The following SMAD9 variants were observed in gnomAD, a reference collection of about 807,000 sequenced individuals.
SMAD9 encodes SMAD family member 9.
A neutral mutation model predicts 46.1 loss-of-function variants in SMAD9; 36 were observed. The observed-to-expected ratio is 0.78, with a 90% CI of 0.60 to 1.03. The LOEUF is 1.03. Among genes scored for constraint, SMAD9 ranks in the 50% least tolerant of loss-of-function variants. The pLI is 0.00. For synonymous variants in SMAD9, 245 were observed against 237.1 expected (o/e 1.03, Z -0.31); for missense variants, 572 against 599.8 (o/e 0.95, Z 0.48).
In SMAD9 at chr13:36,879,780, G is replaced by A; in HGVS notation, c.-91C>T. The A allele has an allele frequency of 2.1e-6, 3 of 1,408,072 alleles. No homozygotes were observed. Among genetic ancestry groups the A allele is most frequent in the South Asian group, 1.2e-5 (1 of 85,702 alleles). 87.2% of individuals were successfully genotyped at this position (1,408,072 alleles called of 1,614,324 possible). A position where few individuals can be genotyped will look rare whatever the true frequency, so the allele number is the denominator to read the frequency against. On this transcript the variant is annotated 5_prime_UTR_variant, in exon 2 of 7. Coordinates refer to ENST00000379826, the MANE Select transcript of SMAD9 (RefSeq NM_001127217.3). ...GAGTAGCTCTCCAGGGGTGGCATAG[G>A]GACCAACCCGCCCGTTCTTCTGGGA...
intron 3 of SMAD9, among the ~76,000 whole-genome samples, chr13:36,869,560 C>A (rs905384997): frequency 2.0e-5 from 3 of 152,036 alleles, no homozygotes; most frequent in African/African-American, 7.2e-5. Flanking sequence ...GGGCTGGGTG[C>A]AGTGGAGCAT....
At chr13:36,863,094 T>C (rs946351978) in intron 5 of SMAD9, among the ~76,000 whole-genome samples, 1 of 152,200 alleles carries the variant, frequency 6.6e-6, no homozygotes, top group African/African-American at 2.4e-5. Context: ...ACTCATTTGC[T>C]AGCCGAGGAA....
At chr13:36,850,033 A>G (rs593714) in intron 6 of SMAD9, 9,855 of 152,238 alleles carry the variant, frequency 0.065, 638 homozygotes, top group African/African-American at 0.16. Flanking sequence ...CATACTAGCC[A>G]TCTCAATTTG....
intron 6 of SMAD9, chr13:36,852,100 T>A: frequency 1.0e-6 from 1 of 975,836 alleles, no homozygotes; most frequent in Non-Finnish European, 1.2e-6. Flanking sequence ...TAAATTTGAA[T>A]GAAACTGCTT....
chr13:36,879,234 C>G, intron 2 of SMAD9, 44 bp downstream of exon 2: 2 of 1,564,156 alleles, frequency 1.3e-6, no homozygotes, highest in Non-Finnish European at 1.8e-6. Context: ...GGGCACACGA[C>G]CTTCACTCTG....
At chr13:36,853,025 G>A (rs995977504) in intron 6 of SMAD9, among the ~76,000 whole-genome samples, 7 of 152,202 alleles carry the variant, frequency 4.6e-5, no homozygotes, top group Non-Finnish European at 7.3e-5. Context: ...GGTGGCTCAC[G>A]CCTGTAATCC....
At chr13:36,851,033 C>A (rs1413652146) in intron 6 of SMAD9, among the ~76,000 whole-genome samples, 1 of 152,172 alleles carries the variant, frequency 6.6e-6, no homozygotes, top group African/African-American at 2.4e-5. Context: ...TAAGTGGTTT[C>A]CCTACTTGCA....
intron 1 of SMAD9, among the ~76,000 whole-genome samples, chr13:36,916,224 G>C (rs1261637498): frequency 6.6e-6 from 1 of 152,116 alleles, no homozygotes; most frequent in African/African-American, 2.4e-5. Context: ...AGCATATCGT[G>C]TTAGCAATTT....
intron 4 of SMAD9, among the ~76,000 whole-genome samples, chr13:36,866,456 GT>G (rs1448796586): frequency 6.6e-6 from 1 of 152,070 alleles, no homozygotes; most frequent in Non-Finnish European, 1.5e-5. Context: ...AAAGTTCAGA[GT>G]TCCTTCTTTC....
chr13:36,861,488 G>T lies in SMAD9; in HGVS notation c.1003+4049C>A, dbSNP rs556062275. Among the ~76,000 whole-genome samples, 3 of 145,106 alleles carry T rather than the reference G, an allele frequency of 2.1e-5. No individual in the cohort carries two copies. In the South Asian group the frequency reaches 8.2e-4, roughly 39 times the overall value. On this transcript the variant is annotated intron_variant, in intron 5 of 6. Coordinates refer to ENST00000379826, the MANE Select transcript of SMAD9 (RefSeq NM_001127217.3). ...CGCCACCACACCCGGCTAATTTTTT[G>T]TATTTTTAGTAGAGACAGAGTTTCA... is the stretch of plus-strand genomic sequence containing the variant.
intron 2 of SMAD9, among the ~76,000 whole-genome samples, chr13:36,878,714 T>C (rs529996796): frequency 7.2e-5 from 11 of 152,252 alleles, no homozygotes; most frequent in African/African-American, 2.6e-4. Flanking sequence ...TTCAGTTTAG[T>C]ACAGTTCAGT....
chr13:36,853,364 T>C, intron 6 of SMAD9, 55 bp downstream of exon 6: 1 of 1,598,992 alleles, frequency 6.3e-7, no homozygotes, highest in Non-Finnish European at 8.5e-7. Context: ...TCAGGGTGCT[T>C]TTTTGTTTTG....
At chr13:36,894,857 C>T (rs1029397175) in intron 1 of SMAD9, among the ~76,000 whole-genome samples, 2 of 152,166 alleles carry the variant, frequency 1.3e-5, no homozygotes, top group African/African-American at 2.4e-5. Context: ...ATGAAAAAGA[C>T]AGCAGTGAAC....
chr13:36,882,345 T>C (rs1331920972), intron 1 of SMAD9, among the ~76,000 whole-genome samples: 5 of 152,074 alleles, frequency 3.3e-5, no homozygotes, highest in Non-Finnish European at 1.5e-5. Flanking sequence ...TGAAAAGCAC[T>C]ACTCCTAAAC....
At chr13:36,865,985 T>C (rs997977105) in intron 4 of SMAD9, among the ~76,000 whole-genome samples, 1 of 152,192 alleles carries the variant, frequency 6.6e-6, no homozygotes, top group African/African-American at 2.4e-5. Flanking sequence ...CTTGTTCATC[T>C]TCCATGGCTA....
chr13:36,849,386 TA>T (rs2058057021), intron 6 of SMAD9: 1 of 152,918 alleles, frequency 6.5e-6, no homozygotes, highest in Non-Finnish European at 1.5e-5. Context: ...CTCTATATGT[TA>T]TATATCAATG....
In SMAD9 at chr13:36,878,881, G is replaced by A. The variant is rs182798165; in HGVS notation, c.412+397C>T. Among the ~76,000 whole-genome samples, 17 of 152,180 alleles carry A rather than the reference G, an allele frequency of 1.1e-4. No individual in the cohort carries two copies. The South Asian group carries it at 1.2e-3, about 11-fold the overall frequency. On this transcript the variant is annotated intron_variant, in intron 2 of 6. Coordinates refer to ENST00000379826, the MANE Select transcript of SMAD9 (RefSeq NM_001127217.3). ...TAAAACTTTTATGGCAGTTTTCTCC[G>A]ATTAGCCATCTGCCTCATTTTCAAA...
chr13:36,910,477 C>T (rs1269762159), intron 1 of SMAD9, among the ~76,000 whole-genome samples: 2 of 152,076 alleles, frequency 1.3e-5, no homozygotes, highest in African/African-American at 2.4e-5. Flanking sequence ...AGTCTGTATC[C>T]ATACATTTTA....
intron 6 of SMAD9, chr13:36,852,163 C>T (rs1349669556): frequency 2.2e-6 from 2 of 892,882 alleles, no homozygotes; most frequent in African/African-American, 1.8e-5. Flanking sequence ...AAATTGGAAA[C>T]TATATTGTTC....
Sources: allele counts gnomAD v4.1 joint callset (sites outside exome capture counted in the v4.1 genomes callset), GRCh38; gene constraint gnomAD v4.1.1; transcripts MANE v1.5; gene names NCBI Gene and HGNC (gene_info 2026-07-23, HGNC 2026-07-21).